The following EPHB2 variants were observed in gnomAD, a reference collection of about 807,000 sequenced individuals.
EPHB2 encodes the protein ephrin type-B receptor 2.
EPHB2 carries 18 observed loss-of-function variants against 96.4 expected under a neutral mutation model. That is an observed-to-expected ratio of 0.19 (90% CI 0.13 to 0.28). EPHB2 has a LOEUF of 0.28. Ranked by LOEUF, EPHB2 falls within the 10% of genes least tolerant of loss-of-function variation. The probability of loss-of-function intolerance (pLI) is 1.00; values close to 1 mark genes in which losing one functional copy is unlikely to be tolerated. For missense variants in EPHB2, 989 were observed against 1,355.4 expected, an observed-to-expected ratio of 0.73 and a Z score of 4.25; for synonymous variants, 506 against 534.1, an observed-to-expected ratio of 0.95 and a Z score of 0.72.
At chr1:22,771,180 G>C (rs533819700) in intron 1 of EPHB2, among the ~76,000 whole-genome samples, 1 of 152,280 alleles carries the variant, frequency 6.6e-6, no homozygotes, top group East Asian at 1.9e-4. Flanking sequence ...ACCAGACTTG[G>C]CCCTGCCTAC....
At chr1:22,759,971 C>G (rs868001469) in intron 1 of EPHB2, among the ~76,000 whole-genome samples, 2 of 152,162 alleles carry the variant, frequency 1.3e-5, no homozygotes, top group East Asian at 3.9e-4. Context: ...GCAACATTCT[C>G]GCTGCCTGTC....
chr1:22,754,074 C>T (rs1449778076), intron 1 of EPHB2, among the ~76,000 whole-genome samples: 1 of 152,172 alleles, frequency 6.6e-6, no homozygotes, highest in Non-Finnish European at 1.5e-5. Flanking sequence ...AAATCCTGGG[C>T]CTGAGTGTTC....
intron 3 of EPHB2, among the ~76,000 whole-genome samples, chr1:22,787,823 C>T (rs917774260): frequency 1.3e-5 from 2 of 152,162 alleles, no homozygotes; most frequent in Admixed American, 6.5e-5. Flanking sequence ...TCTTCTGGCT[C>T]AGATTTTCCC....
intron 3 of EPHB2, among the ~76,000 whole-genome samples, chr1:22,787,630 A>T (rs1432733922): frequency 6.6e-6 from 1 of 152,124 alleles, no homozygotes; most frequent in Admixed American, 6.6e-5. Context: ...GGTGATGTGC[A>T]TCTGTAGTTC....
At chr1:22,797,058 G>T (rs1027752945) in intron 3 of EPHB2, among the ~76,000 whole-genome samples, 2 of 152,120 alleles carry the variant, frequency 1.3e-5, no homozygotes, top group Non-Finnish European at 1.5e-5. Flanking sequence ...AAGTAAAAGG[G>T]CTATTGTCCC....
intron 6 of EPHB2, among the ~76,000 whole-genome samples, chr1:22,887,058 G>C (rs1297011193): frequency 6.6e-6 from 1 of 152,166 alleles, no homozygotes; most frequent in Non-Finnish European, 1.5e-5. Flanking sequence ...GGGCAAAGGG[G>C]TTGGGGTTCA....
chr1:22,835,000 T>C (rs1645359127), intron 3 of EPHB2, among the ~76,000 whole-genome samples: 1 of 152,170 alleles, frequency 6.6e-6, no homozygotes, highest in Non-Finnish European at 1.5e-5. Flanking sequence ...GTCAACCTAA[T>C]ACCATTTGCC....
At chr1:22,724,499 A>G (rs537348105) in intron 1 of EPHB2, among the ~76,000 whole-genome samples, 5 of 152,294 alleles carry the variant, frequency 3.3e-5, no homozygotes, top group Admixed American at 2.6e-4. Context: ...TGTCCTCACA[A>G]TGGCCTGGCA....
At chr1:22,786,163 G>A (rs1644607936) in intron 3 of EPHB2, among the ~76,000 whole-genome samples, 1 of 152,218 alleles carries the variant, frequency 6.6e-6, no homozygotes, top group South Asian at 2.1e-4. Flanking sequence ...CTCACTAGCG[G>A]TATCACCTTG....
At chr1:22,713,517 T>A (rs1643213043) in intron 1 of EPHB2, among the ~76,000 whole-genome samples, 3 of 152,152 alleles carry the variant, frequency 2.0e-5, no homozygotes, top group African/African-American at 7.2e-5. Context: ...TCAGACCAGA[T>A]GATGGGTGGG....
intron 5 of EPHB2, among the ~76,000 whole-genome samples, chr1:22,872,583 A>G (rs1638708791): frequency 6.6e-6 from 1 of 152,218 alleles, no homozygotes; most frequent in Non-Finnish European, 1.5e-5. Flanking sequence ...CACCTAGGGC[A>G]AACACCTCCT....
At position 22,831,166 on chromosome 1, in the gene EPHB2, TGAA is replaced by T. The variant is rs34089016; in HGVS notation, c.812-31867_812-31865del. On this transcript the variant is annotated intron_variant, in intron 3 of 15. Coordinates refer to ENST00000374630, the MANE Select transcript of EPHB2 (RefSeq NM_017449.5). ...GTCCACACTGGCAGCCTGTACACTTTGAAGAACAGCAGGTCCACTGGGGATGAA... is the reference window on the plus strand; with the variant it reads ...GTCCACACTGGCAGCCTGTACACTTTGAACAGCAGGTCCACTGGGGATGAA... 7.0e-3 allele frequency among the ~76,000 whole-genome samples: 1,064 copies of T among 152,266 alleles called. 16 individuals are homozygous for T. Among genetic ancestry groups the T allele is most frequent in the African/African-American group, 0.024 (982 of 41,536 alleles).
intron 1 of EPHB2, among the ~76,000 whole-genome samples, chr1:22,731,555 A>G (rs1255296913): frequency 6.6e-6 from 1 of 152,188 alleles, no homozygotes; most frequent in Non-Finnish European, 1.5e-5. Context: ...AATAACCATC[A>G]TCGGCTAGGC....
At chr1:22,801,772 G>T (rs1306349605) in intron 3 of EPHB2, among the ~76,000 whole-genome samples, 1 of 152,176 alleles carries the variant, frequency 6.6e-6, no homozygotes, top group Non-Finnish European at 1.5e-5. Context: ...CCCTCGTGGG[G>T]TCCCCTCCCG....
intron 6 of EPHB2, among the ~76,000 whole-genome samples, chr1:22,884,905 G>A (rs954215398): frequency 1.3e-5 from 2 of 152,090 alleles, no homozygotes; most frequent in African/African-American, 4.8e-5. Context: ...GGAGTAATTG[G>A]GTATTTACTA....
chr1:22,869,411 G>T (rs1291975101), intron 5 of EPHB2, among the ~76,000 whole-genome samples: 1 of 152,036 alleles, frequency 6.6e-6, no homozygotes, highest in African/African-American at 2.4e-5. Flanking sequence ...ATACAAGATG[G>T]CATGGATGAG....
chr1:22,798,416 C>A (rs1178384948), intron 3 of EPHB2, among the ~76,000 whole-genome samples: 1 of 152,152 alleles, frequency 6.6e-6, no homozygotes, highest in Non-Finnish European at 1.5e-5. Context: ...TCTCAAATCC[C>A]TCTTGGAGCT....
intron 1 of EPHB2, among the ~76,000 whole-genome samples, chr1:22,748,365 G>T (rs1477572539): frequency 6.6e-6 from 1 of 150,850 alleles, no homozygotes; most frequent in Non-Finnish European, 1.5e-5. Flanking sequence ...CCTCAAGGGG[G>T]CTTTCTGGGT....
intron 1 of EPHB2, among the ~76,000 whole-genome samples, chr1:22,720,083 C>T (rs1194202707): frequency 6.6e-6 from 1 of 152,200 alleles, no homozygotes; most frequent in Non-Finnish European, 1.5e-5. Context: ...CCCCTACGCT[C>T]CTCGCTATCT....
Sources: gnomAD v4.1 joint callset for allele counts (sites outside exome capture counted in the v4.1 genomes callset) on GRCh38, gnomAD v4.1.1 for gene constraint, MANE v1.5 for transcripts, NCBI Gene and HGNC (gene_info 2026-07-23, HGNC 2026-07-21) for gene names.